CSMD1: variants seen among roughly 807,000 people sequenced by gnomAD.
CSMD1 encodes CUB and Sushi multiple domains 1.
Under a neutral mutation model 417.5 loss-of-function variants are expected in CSMD1, and 213 were observed. That is an observed-to-expected ratio of 0.51 (90% CI 0.46 to 0.57). CSMD1 has a LOEUF of 0.57. Among genes scored for constraint, CSMD1 ranks in the 20% least tolerant of loss-of-function variants. The pLI is 0.00. For synonymous variants in CSMD1, 2,862 were observed against 1,736.8 expected, an observed-to-expected ratio of 1.65 and a Z score of -16.11; for missense variants, 6,923 against 4,529.7, an observed-to-expected ratio of 1.53 and a Z score of -15.17.
chr8:4,800,438 C>CAAAAAA (rs11463488), intron 1 of CSMD1, among the ~76,000 whole-genome samples: 2 of 115,056 alleles, frequency 1.7e-5, no homozygotes, highest in African/African-American at 3.4e-5. Flanking sequence ...GACTTCATCT[C>CAAAAAA]AAAAAAAAAA....
intron 37 of CSMD1, among the ~76,000 whole-genome samples, chr8:3,165,840 A>T (rs1585531216): frequency 6.6e-6 from 1 of 152,120 alleles, no homozygotes; most frequent in Non-Finnish European, 1.5e-5. Flanking sequence ...CTTTTTGGGA[A>T]TGCGGTGAAA....
intron 3 of CSMD1, among the ~76,000 whole-genome samples, chr8:4,257,171 A>C (rs1388973858): frequency 6.8e-6 from 1 of 147,286 alleles, no homozygotes; most frequent in African/African-American, 2.5e-5. Context: ...TTTGACCTTG[A>C]GTTATAAATT....
chr8:4,805,904 A>ATG (rs2117307378), intron 1 of CSMD1, among the ~76,000 whole-genome samples: 2 of 152,266 alleles, frequency 1.3e-5, no homozygotes, highest in South Asian at 4.1e-4. Flanking sequence ...GGTGACTCAA[A>ATG]TGCGATGGCT....
chr8:3,993,417 AACAC>A, intron 5 of CSMD1, among the ~76,000 whole-genome samples: 1 of 152,310 alleles, frequency 6.6e-6, no homozygotes, highest in African/African-American at 2.4e-5. Context: ...AAGTTGGGTA[AACAC>A]TGGAAGCATT....
At chr8:3,376,735 G>T (rs1196526974) in intron 18 of CSMD1, among the ~76,000 whole-genome samples, 1 of 152,026 alleles carries the variant, frequency 6.6e-6, no homozygotes, top group African/African-American at 2.4e-5. Context: ...CTGATGCTAT[G>T]CACCCAGCAC....
Position 3,699,885 on chromosome 8 carries a change from A to G in CSMD1, c.1009+8529T>C, listed in dbSNP as rs2407123. 7.4e-3 allele frequency among the ~76,000 whole-genome samples: 907 copies of G among 122,822 alleles called. 3 individuals are homozygous for G. The highest frequency in any genetic ancestry group is 0.029 in the African/African-American group (826 of 28,036). 80.6% of individuals were successfully genotyped at this position (122,822 alleles called of 152,430 possible). A position where few individuals can be genotyped will look rare whatever the true frequency, so the allele number is the denominator to read the frequency against. On this transcript the variant is annotated intron_variant, in intron 7 of 69. Transcript: ENST00000635120. ...CATCCCTGGGTTATATCCCATAGCT[A>G]CATCCCTGGGTTATATCCCATAACT...
At chr8:4,530,898 C>A (rs755721273) in intron 2 of CSMD1, among the ~76,000 whole-genome samples, 1 of 151,750 alleles carries the variant, frequency 6.6e-6, no homozygotes, top group Non-Finnish European at 1.5e-5. Flanking sequence ...CCCATTATAC[C>A]GGAACTACAG....
intron 5 of CSMD1, among the ~76,000 whole-genome samples, chr8:3,948,003 C>T (rs1048903028): frequency 2.0e-5 from 3 of 152,094 alleles, no homozygotes; most frequent in African/African-American, 4.8e-5. Context: ...GTCAGGTGTT[C>T]GAGACCAGCC....
chr8:3,188,788 A>G, intron 35 of CSMD1, 99 bp downstream of exon 35: 1 of 1,045,284 alleles, frequency 9.6e-7, no homozygotes, highest in Non-Finnish European at 1.3e-6. Flanking sequence ...AGAGGGAGAG[A>G]GAGAGAGATG....
intron 2 of CSMD1, among the ~76,000 whole-genome samples, chr8:4,490,559 G>T (rs1221301167): frequency 6.6e-6 from 1 of 152,150 alleles, no homozygotes; most frequent in East Asian, 1.9e-4. Context: ...CTAAGGATAT[G>T]AGATGCAGAA....
chr8:3,836,140 A>AT (rs1307121345), intron 5 of CSMD1, among the ~76,000 whole-genome samples: 1 of 151,904 alleles, frequency 6.6e-6, no homozygotes, highest in Admixed American at 6.6e-5. Context: ...GTGTGAAGTT[A>AT]TTTTTTTCTT....
intron 3 of CSMD1, among the ~76,000 whole-genome samples, chr8:4,149,229 G>C (rs1222308233): frequency 2.6e-5 from 4 of 152,004 alleles, no homozygotes; most frequent in African/African-American, 9.7e-5. Context: ...CTCCCAAACT[G>C]CTGAGATAAC....
intron 7 of CSMD1, among the ~76,000 whole-genome samples, chr8:3,671,974 T>C (rs1799094658): frequency 6.6e-6 from 1 of 152,184 alleles, no homozygotes; most frequent in African/African-American, 2.4e-5. Context: ...AGTTTCGATA[T>C]GTTGCAATAC....
intron 3 of CSMD1, among the ~76,000 whole-genome samples, chr8:4,102,246 G>C (rs915893691): frequency 1.3e-5 from 2 of 152,044 alleles, no homozygotes; most frequent in Non-Finnish European, 2.9e-5. Context: ...GTAATGTTTT[G>C]TTTTTAGATA....
intron 5 of CSMD1, among the ~76,000 whole-genome samples, chr8:3,769,294 G>C (rs1032591746): frequency 2.0e-5 from 3 of 152,032 alleles, no homozygotes; most frequent in Non-Finnish European, 4.4e-5. Flanking sequence ...CTAAATAGTG[G>C]TCTTTAGTTA....
chr8:3,931,863 A>T (rs1370906172), intron 5 of CSMD1, among the ~76,000 whole-genome samples: 1 of 147,662 alleles, frequency 6.8e-6, no homozygotes, highest in Non-Finnish European at 1.5e-5. Context: ...TTGCAAAGGG[A>T]GAAGTGATTT....
At chr8:3,444,289 T>C (rs1406433546) in intron 12 of CSMD1, among the ~76,000 whole-genome samples, 1 of 152,308 alleles carries the variant, frequency 6.6e-6, no homozygotes, top group African/African-American at 2.4e-5. Context: ...TCCCACTGGA[T>C]GGCAAAGAAG....
At chr8:4,180,835 A>G (rs570089002) in intron 3 of CSMD1, among the ~76,000 whole-genome samples, 1 of 152,236 alleles carries the variant, frequency 6.6e-6, no homozygotes, top group Non-Finnish European at 1.5e-5. Context: ...CAAAATAACA[A>G]CAATTATGAT....
chr8:4,410,069 C>G (rs1043241051), intron 3 of CSMD1, among the ~76,000 whole-genome samples: 3 of 152,148 alleles, frequency 2.0e-5, no homozygotes, highest in Middle Eastern at 3.2e-3. Context: ...CTGCCGTGGC[C>G]TCCCAAAGTG....
Sources: gnomAD v4.1 joint callset for allele counts (sites outside exome capture counted in the v4.1 genomes callset) on GRCh38, gnomAD v4.1.1 for gene constraint, MANE v1.5 for transcripts, NCBI Gene and HGNC (gene_info 2026-07-23, HGNC 2026-07-21) for gene names.